The following SOCS6 variants were observed in gnomAD, a reference collection of about 807,000 sequenced individuals.
SOCS6 encodes suppressor of cytokine signaling 6.
SOCS6 carries 5 observed loss-of-function variants against 27.7 expected under a neutral mutation model. That is an observed-to-expected ratio of 0.18 (90% confidence interval 0.09 to 0.38). SOCS6 has a LOEUF of 0.38. SOCS6 is among the 10% of genes least tolerant of loss of function. The pLI is 1.00. For synonymous variants in SOCS6, 271 were observed against 260.0 expected, an observed-to-expected ratio of 1.04 and a Z score of -0.41; for missense variants, 595 against 688.1, an observed-to-expected ratio of 0.86 and a Z score of 1.51.
chr18:70,306,007 G>A lies in SOCS6; in HGVS notation c.-127+16917G>A, dbSNP rs562735615. On this transcript the variant is annotated intron_variant, in intron 1 of 1. Coordinates refer to ENST00000397942, the MANE Select transcript of SOCS6 (RefSeq NM_004232.4). ...AATCTCAGCACTTTGGGAGGCCAAG[G>A]CTGGAGGATCGCTTGAGCCTAGGAG... Among the ~76,000 whole-genome samples, 14 of 152,214 alleles carry A rather than the reference G, an allele frequency of 9.2e-5. No individual in the cohort carries two copies. The South Asian group carries it at 2.5e-3, about 27-fold the overall frequency.
At chr18:70,319,182 CT>C (rs917064808) in intron 1 of SOCS6, among the ~76,000 whole-genome samples, 2 of 151,420 alleles carry the variant, frequency 1.3e-5, no homozygotes, top group South Asian at 4.2e-4. Context: ...TTTATTTTTC[CT>C]TTTTTTCCTA....
At chr18:70,318,113 C>T (rs1436587006) in intron 1 of SOCS6, among the ~76,000 whole-genome samples, 1 of 152,144 alleles carries the variant, frequency 6.6e-6, no homozygotes, top group African/African-American at 2.4e-5. Flanking sequence ...GCCTCAGCAT[C>T]CCAAAGTGCT....
At chr18:70,317,753 T>C (rs1002948911) in intron 1 of SOCS6, among the ~76,000 whole-genome samples, 16 of 152,292 alleles carry the variant, frequency 1.1e-4, no homozygotes, top group African/African-American at 3.6e-4. Flanking sequence ...TTTTAGTTCT[T>C]TACGGAATTT....
At chr18:70,307,894 A>G in intron 1 of SOCS6, among the ~76,000 whole-genome samples, 1 of 151,794 alleles carries the variant, frequency 6.6e-6, no homozygotes, top group East Asian at 1.9e-4. Context: ...CATTGGGTTT[A>G]GTTATTTTCT....
Position 70,324,718 on chromosome 18 carries a change from A to G in SOCS6, c.50A>G (p.Lys17Arg). ...KTLRKSFNLN[K>R]SKEETDFMVV... Reference sequence around the variant, plus strand: ...TTACGGAAATCTTTTAACTTGAATAAAAGTAAAGAAGAAACTGATTTCATG... The same window carrying G: ...TTACGGAAATCTTTTAACTTGAATAGAAGTAAAGAAGAAACTGATTTCATG... The change falls in exon 2 of 2, where the codon AAA (lysine) becomes AGA (arginine). Residue 17 changes from lysine to arginine, a missense_variant. Around this residue, in one of 2 missense-constraint regions of SOCS6, gnomAD observed 467 missense variants for 481.1 expected, o/e 0.97. Coordinates refer to ENST00000397942, the MANE Select transcript of SOCS6 (RefSeq NM_004232.4). The G allele has an allele frequency of 6.2e-7, 1 of 1,607,288 alleles. No homozygotes were observed. Among genetic ancestry groups the G allele is most frequent in the Non-Finnish European group, 8.5e-7 (1 of 1,176,502 alleles).
chr18:70,298,407 T>G (rs557287246), intron 1 of SOCS6, among the ~76,000 whole-genome samples: 9 of 152,328 alleles, frequency 5.9e-5, no homozygotes, highest in Non-Finnish European at 8.8e-5. Context: ...AATTTGTCAT[T>G]GTCAGCTATA....
At chr18:70,289,557 G>C (rs2062289079) in intron 1 of SOCS6, among the ~76,000 whole-genome samples, 1 of 147,070 alleles carries the variant, frequency 6.8e-6, no homozygotes, top group Non-Finnish European at 1.5e-5. Flanking sequence ...GCGCGGCTCT[G>C]CGCCCCGGCC....
At chr18:70,294,452 C>T (rs544715502) in intron 1 of SOCS6, among the ~76,000 whole-genome samples, 7 of 151,698 alleles carry the variant, frequency 4.6e-5, no homozygotes, top group African/African-American at 1.7e-4. Flanking sequence ...CTCCTCACCC[C>T]CTCTTTTATA....
intron 1 of SOCS6, among the ~76,000 whole-genome samples, chr18:70,306,634 A>G (rs915925732): frequency 4.6e-5 from 7 of 151,990 alleles, no homozygotes; most frequent in African/African-American, 1.7e-4. Flanking sequence ...AGAGGGGGTG[A>G]GCGCAAATGT....
intron 1 of SOCS6, among the ~76,000 whole-genome samples, chr18:70,308,961 G>A (rs2062379738): frequency 6.6e-6 from 1 of 152,104 alleles, no homozygotes. Context: ...GTCTGTTGTA[G>A]CCAGCACATA....
intron 1 of SOCS6, among the ~76,000 whole-genome samples, chr18:70,306,069 C>T (rs1172787255): frequency 6.6e-6 from 1 of 152,010 alleles, no homozygotes. Flanking sequence ...GAGACCCTGT[C>T]TCTATTAAAA....
chr18:70,308,545 C>T (rs767732749), intron 1 of SOCS6, among the ~76,000 whole-genome samples: 19 of 152,110 alleles, frequency 1.2e-4, no homozygotes, highest in East Asian at 1.2e-3. Flanking sequence ...GTGGTCTATC[C>T]GGAAAAATGA....
chr18:70,324,764 A>T lies in SOCS6; in HGVS notation c.96A>T (p.Leu32=). The change falls in exon 2 of 2, where the codon CTA becomes CTT. Residue 32 remains leucine (L), a synonymous_variant. Transcript: ENST00000397942. The part of the protein sequence containing the change: ...TDFMVVQQPS[L]ASDFGKDDSL... ...TCATGGTAGTACAACAACCATCGCT[A>T]GCCAGTGACTTTGGAAAAGATGATT... 6.2e-7 allele frequency: 1 copy of T among 1,613,922 alleles called. No individual in the cohort carries two copies. Among genetic ancestry groups the T allele is most frequent in the African/African-American group, 1.3e-5 (1 of 75,058 alleles).
rs1911323237 is a variant in SOCS6 at position 70,329,175 on chromosome 18, T to G, written c.*2899T>G. 1 of 167,086 alleles carries G rather than the reference T, an allele frequency of 6.0e-6. No homozygotes were observed. Among genetic ancestry groups the G allele is most frequent in the African/African-American group, 2.4e-5 (1 of 41,460 alleles). 10.4% of individuals were successfully genotyped at this position (167,086 alleles called of 1,614,324 possible). On this transcript the variant is annotated 3_prime_UTR_variant, in exon 2 of 2. Coordinates refer to ENST00000397942, the MANE Select transcript of SOCS6 (RefSeq NM_004232.4). Reference sequence around the variant, plus strand: ...AGTACTTGAAAAATATCTAATTCTCTTTCTGTCTAAGGAAAACTCTTTCTA... The same window carrying G: ...AGTACTTGAAAAATATCTAATTCTCGTTCTGTCTAAGGAAAACTCTTTCTA...
chr18:70,307,211 ATGATTGCATCAC>A lies in SOCS6; in HGVS notation c.-126-17329_-126-17318del, dbSNP rs573270615. Reference sequence around the variant, plus strand: ...CTGAAGATGGAGGTTGCAGCGAGCCATGATTGCATCACTGCACTCCAGCCTGGGCAACAGAAT... The same window carrying A: ...CTGAAGATGGAGGTTGCAGCGAGCCATGCACTCCAGCCTGGGCAACAGAAT... On this transcript the variant is annotated intron_variant, in intron 1 of 1. Coordinates refer to ENST00000397942, the MANE Select transcript of SOCS6 (RefSeq NM_004232.4). Among the ~76,000 whole-genome samples the A allele has an allele frequency of 3.7e-3, 559 of 152,298 alleles. 8 individuals carry two copies. The highest frequency in any genetic ancestry group is 0.013 in the African/African-American group (536 of 41,560).
At chr18:70,323,004 G>A (rs2146296323) in intron 1 of SOCS6, among the ~76,000 whole-genome samples, 1 of 152,334 alleles carries the variant, frequency 6.6e-6, no homozygotes, top group Non-Finnish European at 1.5e-5. Context: ...GTGACCATCA[G>A]TTATTCATCA....
intron 1 of SOCS6, among the ~76,000 whole-genome samples, chr18:70,299,397 G>A (rs952153247): frequency 7.2e-5 from 11 of 152,178 alleles, no homozygotes; most frequent in African/African-American, 2.4e-4. Context: ...AGAGGTGCAC[G>A]GAGCAAGCAC....
At chr18:70,290,783 C>T (rs2062295449) in intron 1 of SOCS6, among the ~76,000 whole-genome samples, 1 of 145,890 alleles carries the variant, frequency 6.9e-6, no homozygotes, top group Non-Finnish European at 1.5e-5. Flanking sequence ...CATTCAGCAT[C>T]TCTTTTGAAA....
intron 1 of SOCS6, among the ~76,000 whole-genome samples, chr18:70,291,286 G>A (rs143029355): frequency 5.2e-4 from 79 of 152,162 alleles, no homozygotes; most frequent in African/African-American, 1.4e-3. Flanking sequence ...GTTTTTTGGA[G>A]AGGTGGGGTC....
Sources: gnomAD v4.1 joint callset for allele counts (sites outside exome capture counted in the v4.1 genomes callset) on GRCh38, gnomAD v4.1.1 for gene constraint, gnomAD v4.1.1 regional missense constraint, MANE v1.5 for transcripts, NCBI Gene and HGNC (gene_info 2026-07-23, HGNC 2026-07-21) for gene names.